GNAQ: variants seen among roughly 807,000 people sequenced by gnomAD.
GNAQ encodes the protein guanine nucleotide-binding protein G(q) subunit alpha.
A neutral mutation model predicts 43.9 loss-of-function variants in GNAQ; 8 were observed. The ratio of observed to expected loss-of-function variants is 0.18; its 90% CI spans 0.11 to 0.33. The LOEUF (loss-of-function observed/expected upper bound fraction) is 0.33. GNAQ is among the 10% of genes least tolerant of loss of function. The probability of loss-of-function intolerance (pLI) is 1.00; values close to 1 mark genes in which losing one functional copy is unlikely to be tolerated. For missense variants in GNAQ, 158 were observed against 450.8 expected (o/e 0.35, Z 5.88); for synonymous variants, 155 against 170.7 (o/e 0.91, Z 0.71).
intron 2 of GNAQ, among the ~76,000 whole-genome samples, chr9:77,857,882 T>C (rs1827784871): frequency 6.6e-6 from 1 of 152,028 alleles, no homozygotes; most frequent in Non-Finnish European, 1.5e-5. Context: ...GTTTTTTTTT[T>C]TTTCCAGTTC....
intron 1 of GNAQ, among the ~76,000 whole-genome samples, chr9:77,944,098 C>T (rs1318045131): frequency 6.6e-6 from 1 of 151,696 alleles, no homozygotes; most frequent in Non-Finnish European, 1.5e-5. Flanking sequence ...GCAGTATGAA[C>T]GAATGATACC....
At chr9:77,760,330 C>A (rs533344187) in intron 5 of GNAQ, among the ~76,000 whole-genome samples, 1 of 152,206 alleles carries the variant, frequency 6.6e-6, no homozygotes, top group South Asian at 2.1e-4. Flanking sequence ...CCTCAGCCTG[C>A]TGAGTGCCTG....
chr9:77,721,662 G>A, intron 6 of GNAQ, 149 bp from the exon 7 acceptor site: 1 of 576,858 alleles, frequency 1.7e-6, no homozygotes, highest in East Asian at 3.1e-5. Flanking sequence ...CCCTAACACT[G>A]CTATGTCTGA....
chr9:77,901,843 C>A (rs891409290), intron 2 of GNAQ, among the ~76,000 whole-genome samples: 1 of 152,204 alleles, frequency 6.6e-6, no homozygotes, highest in Non-Finnish European at 1.5e-5. Flanking sequence ...CACAGGCACA[C>A]TCAGTGTCTG....
chr9:77,980,547 A>T (rs1823355799), intron 1 of GNAQ, among the ~76,000 whole-genome samples: 1 of 152,188 alleles, frequency 6.6e-6, no homozygotes. Flanking sequence ...CCCTTTTATT[A>T]CAGTTCTGAA....
intron 2 of GNAQ, among the ~76,000 whole-genome samples, chr9:77,881,015 T>C (rs774650626): frequency 6.6e-5 from 10 of 152,176 alleles, no homozygotes; most frequent in Admixed American, 2.6e-4. Flanking sequence ...AGGCTCACCA[T>C]AGGAGTTAGC....
intron 2 of GNAQ, among the ~76,000 whole-genome samples, chr9:77,870,844 G>A (rs1320433534): frequency 2.0e-5 from 3 of 151,946 alleles, no homozygotes; most frequent in African/African-American, 7.3e-5. Context: ...AAAACACTAT[G>A]TTGAATATAA....
chr9:77,745,905 G>A (rs1825721014), intron 5 of GNAQ, among the ~76,000 whole-genome samples: 1 of 151,990 alleles, frequency 6.6e-6, no homozygotes, highest in South Asian at 2.1e-4. Flanking sequence ...AAGGGCCCCA[G>A]AAGGGCTGGG....
intron 1 of GNAQ, among the ~76,000 whole-genome samples, chr9:77,945,225 T>A (rs189258774): frequency 2.0e-5 from 3 of 152,356 alleles, no homozygotes; most frequent in Non-Finnish European, 4.4e-5. Flanking sequence ...GTGTTTAATG[T>A]GGCACCTTCA....
chr9:78,002,370 C>T (rs1478966812), intron 1 of GNAQ, among the ~76,000 whole-genome samples: 2 of 152,034 alleles, frequency 1.3e-5, no homozygotes, highest in Non-Finnish European at 2.9e-5. Context: ...GAACACACCC[C>T]CACACAGAGA....
At chr9:77,735,621 A>C (rs1015096299) in intron 5 of GNAQ, among the ~76,000 whole-genome samples, 4 of 152,198 alleles carry the variant, frequency 2.6e-5, no homozygotes, top group African/African-American at 9.7e-5. Flanking sequence ...TATGTGTCCT[A>C]TCTGATGTCA....
intron 2 of GNAQ, among the ~76,000 whole-genome samples, chr9:77,833,547 T>C (rs2118558572): frequency 6.6e-6 from 1 of 152,360 alleles, no homozygotes; most frequent in Non-Finnish European, 1.5e-5. Context: ...TGGCTATGTG[T>C]AGACACTAAA....
chr9:77,802,148 C>T (rs930276662), intron 3 of GNAQ, among the ~76,000 whole-genome samples: 4 of 152,060 alleles, frequency 2.6e-5, no homozygotes, highest in African/African-American at 4.8e-5. Flanking sequence ...GCCTGGGCAA[C>T]AGAGTGAGAC....
intron 1 of GNAQ, among the ~76,000 whole-genome samples, chr9:77,969,387 T>G (rs534166385): frequency 6.6e-6 from 1 of 152,288 alleles, no homozygotes; most frequent in South Asian, 2.1e-4. Context: ...CAATTTAAAC[T>G]CAGGAATTAG....
chr9:77,836,929 T>G (rs1298850609), intron 2 of GNAQ, among the ~76,000 whole-genome samples: 1 of 152,188 alleles, frequency 6.6e-6, no homozygotes, highest in East Asian at 1.9e-4. Context: ...TTTTCTTTCA[T>G]GGCAGTGAGT....
chr9:77,924,352 T>C (rs187825958), intron 1 of GNAQ, among the ~76,000 whole-genome samples: 146 of 152,242 alleles, frequency 9.6e-4, no homozygotes, highest in Non-Finnish European at 1.6e-3. Context: ...CAATTAAAAG[T>C]ATACAAGACA....
intron 2 of GNAQ, among the ~76,000 whole-genome samples, chr9:77,818,041 T>C (rs540512499): frequency 6.6e-6 from 1 of 152,088 alleles, no homozygotes; most frequent in South Asian, 2.1e-4. Context: ...AAAAAAAAAC[T>C]GTCTTGTGAG....
chr9:77,789,030 C>T (rs772366441), intron 5 of GNAQ, among the ~76,000 whole-genome samples: 4 of 152,172 alleles, frequency 2.6e-5, no homozygotes, highest in South Asian at 2.1e-4. Flanking sequence ...TGCAATAGGC[C>T]GTGATTATCT....
intron 5 of GNAQ, among the ~76,000 whole-genome samples, chr9:77,778,833 TA>T (rs1826344882): frequency 6.6e-6 from 1 of 151,916 alleles, no homozygotes; most frequent in Non-Finnish European, 1.5e-5. Context: ...GGAAAGTTAT[TA>T]GGCCTTACAT....
Sources: gnomAD v4.1 joint callset for allele counts (sites outside exome capture counted in the v4.1 genomes callset) on GRCh38, gnomAD v4.1.1 for gene constraint, MANE v1.5 for transcripts, NCBI Gene and HGNC (gene_info 2026-07-23, HGNC 2026-07-21) for gene names.